Variants in MMP16 observed in about 807,000 individuals in gnomAD.
The protein encoded by MMP16 is matrix metallopeptidase 16.
A neutral mutation model predicts 67.8 loss-of-function variants in MMP16; 12 were observed. The ratio of observed to expected loss-of-function variants is 0.18; its 90% CI spans 0.11 to 0.29. MMP16 has a LOEUF of 0.29. MMP16 is among the 10% of genes least tolerant of loss of function. The pLI, the probability that MMP16 is intolerant of heterozygous loss-of-function variation, is 1.00. For synonymous variants in MMP16, 249 were observed against 255.9 expected, an observed-to-expected ratio of 0.97 and a Z score of 0.26; for missense variants, 475 against 765.7, an observed-to-expected ratio of 0.62 and a Z score of 4.48.
rs1586159590 is a variant in MMP16, at chr8:88,116,646, G to A, written c.944C>T (p.Ala315Val). 6.2e-7 allele frequency: 1 copy of A among 1,613,870 alleles called. No homozygotes were observed. The highest frequency in any genetic ancestry group is 8.5e-7 in the Non-Finnish European group (1 of 1,179,872). ...TVPPHRSIPP[A>V]DPRKNDRPKP... ...TGGCCTGTCATTTTTCCTTGGGTCA[G>A]CCGGAGGAATAGAGCGGTGTGGGGG... is the stretch of plus-strand genomic sequence containing the variant. The change falls in exon 6 of 10, where the codon GCT becomes GTT. Residue 315 changes from alanine to valine, a missense_variant. Ala to Val is a moderately conservative substitution (Grantham distance 64). This residue lies in a region of MMP16 where 195 missense variants were observed against 300.9 expected (regional missense o/e 0.65). Coordinates refer to ENST00000286614, the MANE Select transcript of MMP16 (RefSeq NM_005941.5).
chr8:88,223,138 A>G (rs1809712684), intron 1 of MMP16, among the ~76,000 whole-genome samples: 1 of 152,180 alleles, frequency 6.6e-6, no homozygotes, highest in Non-Finnish European at 1.5e-5. Flanking sequence ...CAAAACCACA[A>G]TGAGATAACA....
At chr8:88,235,418 G>A (rs1306837773) in intron 1 of MMP16, among the ~76,000 whole-genome samples, 1 of 150,934 alleles carries the variant, frequency 6.6e-6, no homozygotes, top group Non-Finnish European at 1.5e-5. Flanking sequence ...ATCAAACTAG[G>A]AGAAAACATG....
At chr8:88,144,539 T>C (rs1808260887) in intron 4 of MMP16, among the ~76,000 whole-genome samples, 1 of 151,752 alleles carries the variant, frequency 6.6e-6, no homozygotes, top group Non-Finnish European at 1.5e-5. Context: ...AATTAGAGAC[T>C]TTTATCTAAT....
intron 2 of MMP16, among the ~76,000 whole-genome samples, chr8:88,196,819 G>A (rs1809264273): frequency 6.6e-6 from 1 of 152,090 alleles, no homozygotes; most frequent in African/African-American, 2.4e-5. Flanking sequence ...GGGAAGCCAT[G>A]TGTACAATAT....
intron 1 of MMP16, among the ~76,000 whole-genome samples, chr8:88,271,450 C>A (rs551309873): frequency 3.3e-5 from 5 of 151,954 alleles, no homozygotes; most frequent in Non-Finnish European, 7.4e-5. Context: ...ATGTGTGACT[C>A]ATATCAGTCA....
intron 4 of MMP16, among the ~76,000 whole-genome samples, chr8:88,123,955 A>G: frequency 6.6e-6 from 1 of 151,890 alleles, no homozygotes. Flanking sequence ...TAGTGCCTCA[A>G]ACTCTAGAAC....
chr8:88,190,718 G>C (rs1246637395), intron 2 of MMP16, among the ~76,000 whole-genome samples: 1 of 151,906 alleles, frequency 6.6e-6, no homozygotes, highest in Non-Finnish European at 1.5e-5. Context: ...TAACATATAA[G>C]TGTATTTTAT....
intron 1 of MMP16, among the ~76,000 whole-genome samples, chr8:88,301,913 C>T (rs1467201583): frequency 6.6e-6 from 1 of 152,156 alleles, no homozygotes; most frequent in Non-Finnish European, 1.5e-5. Context: ...TTTTTATCAA[C>T]AGTGAGAGAT....
intron 1 of MMP16, among the ~76,000 whole-genome samples, chr8:88,312,014 T>C (rs1474205413): frequency 6.6e-6 from 1 of 152,172 alleles, no homozygotes; most frequent in Non-Finnish European, 1.5e-5. Context: ...GTGCCCACTC[T>C]TAACTTGAAC....
Position 88,036,408 on chromosome 8 carries a change from A to G in MMP16, c.*5053T>C, listed in dbSNP as rs1006454887. The G allele has an allele frequency of 2.6e-5, 4 of 151,720 alleles. No individual in the cohort carries two copies. Among genetic ancestry groups the G allele is most frequent in the Non-Finnish European group, 4.4e-5 (3 of 67,806 alleles). 9.4% of individuals were successfully genotyped at this position (151,720 alleles called of 1,614,324 possible). On this transcript the variant is annotated 3_prime_UTR_variant, in exon 10 of 10. Coordinates refer to ENST00000286614, the MANE Select transcript of MMP16 (RefSeq NM_005941.5). The stretch of plus-strand genomic sequence containing the variant: ...TCATTTTTCCTCCTCCATTTCCATC[A>G]TATTATATAAATATGAAAGCTAAAT...
At chr8:88,042,342 T>C (rs1808144804) in intron 9 of MMP16, among the ~76,000 whole-genome samples, 1 of 152,292 alleles carries the variant, frequency 6.6e-6, no homozygotes, top group Non-Finnish European at 1.5e-5. Context: ...GGCTTCCTTT[T>C]GTAATTTGCA....
intron 7 of MMP16, 89 bp downstream of exon 7, chr8:88,074,516 A>G: frequency 8.6e-7 from 1 of 1,168,358 alleles, no homozygotes; most frequent in Non-Finnish European, 1.2e-6. Context: ...TAGGCTATGT[A>G]ATCTCATTTC....
chr8:88,050,475 G>A lies in MMP16; in HGVS notation c.1374-3691C>T, dbSNP rs1358100784. Among the ~76,000 whole-genome samples, 3 of 152,130 alleles carry A rather than the reference G, an allele frequency of 2.0e-5. No individual in the cohort carries two copies. The South Asian group carries it at 6.2e-4, about 32-fold the overall frequency. On this transcript the variant is annotated intron_variant, in intron 8 of 9. Coordinates refer to ENST00000286614, the MANE Select transcript of MMP16 (RefSeq NM_005941.5). Reference sequence around the variant, plus strand: ...GCTTTTCATGTAGAAATAACTACACGTCATGTAGCATTTTGTAGCTATAAA... The same window carrying A: ...GCTTTTCATGTAGAAATAACTACACATCATGTAGCATTTTGTAGCTATAAA...
chr8:88,316,937 C>T (rs1401155699), intron 1 of MMP16, among the ~76,000 whole-genome samples: 1 of 152,020 alleles, frequency 6.6e-6, no homozygotes, highest in African/African-American at 2.4e-5. Flanking sequence ...CAATCCCTGT[C>T]GATGACTCTG....
At chr8:88,148,321 G>T (rs1341576286) in intron 4 of MMP16, among the ~76,000 whole-genome samples, 2 of 152,018 alleles carry the variant, frequency 1.3e-5, no homozygotes, top group Non-Finnish European at 2.9e-5. Context: ...TGAAATCCTG[G>T]AGATTAATCT....
At chr8:88,164,536 T>C (rs1353401939) in intron 4 of MMP16, among the ~76,000 whole-genome samples, 1 of 152,032 alleles carries the variant, frequency 6.6e-6, no homozygotes, top group Non-Finnish European at 1.5e-5. Context: ...AGTTTGAATT[T>C]CAATTAAGCA....
chr8:88,249,978 C>A (rs1296324585), intron 1 of MMP16, among the ~76,000 whole-genome samples: 6 of 152,154 alleles, frequency 3.9e-5, no homozygotes, highest in Non-Finnish European at 8.8e-5. Context: ...TTTATTTTAG[C>A]ACTATTTGCA....
chr8:88,074,794 AT>A (rs751831210), intron 6 of MMP16, 51 bp from the exon 7 acceptor site: 1 of 1,587,390 alleles, frequency 6.3e-7, no homozygotes, highest in Admixed American at 1.8e-5. Context: ...CCTCCCTGGC[AT>A]TTCACGGCGC....
At position 88,186,602 on chromosome 8, in the gene MMP16, CAAAAAAA is replaced by C. The variant is rs4043665; in HGVS notation, c.282-11_282-5del. 2,048 of 1,162,174 alleles carry C rather than the reference CAAAAAAA, an allele frequency of 1.8e-3. No homozygotes were observed. The highest frequency in any genetic ancestry group is 2.7e-3 in the Middle Eastern group (8 of 2,916). 72.0% of individuals were successfully genotyped at this position (1,162,174 alleles called of 1,614,324 possible). A position where few individuals can be genotyped will look rare whatever the true frequency, so the allele number is the denominator to read the frequency against. ...GCATCGGGGCTTCTTCATCCAGCTG[CAAAAAAA>C]AAAAAAAAAAAAAAAAAGCAGTATT... is the stretch of plus-strand genomic sequence containing the variant. On this transcript the variant is annotated splice_region_variant and splice_polypyrimidine_tract_variant and intron_variant, in intron 2 of 9. Transcript: ENST00000286614.
Sources: allele counts gnomAD v4.1 joint callset (sites outside exome capture counted in the v4.1 genomes callset), GRCh38; gene constraint gnomAD v4.1.1; regional missense constraint gnomAD v4.1.1; transcripts MANE v1.5; gene names NCBI Gene and HGNC (gene_info 2026-07-23, HGNC 2026-07-21).